COL25A1: variants seen among roughly 807,000 people sequenced by gnomAD.
COL25A1 encodes collagen type XXV alpha 1 chain, also known as collagen alpha-1(XXV) chain.
Under a neutral mutation model 128.4 loss-of-function variants are expected in COL25A1, and 103 were observed. The observed-to-expected ratio is 0.80, with a 90% CI of 0.68 to 0.94. The LOEUF is 0.94. Ranked by LOEUF, COL25A1 falls within the 40% of genes least tolerant of loss-of-function variation. The probability of loss-of-function intolerance (pLI) is 0.00; values close to 1 mark genes in which losing one functional copy is unlikely to be tolerated. For missense variants in COL25A1, 745 were observed against 840.0 expected (o/e 0.89, Z 1.40); for synonymous variants, 279 against 277.2 (o/e 1.01, Z -0.06).
At chr4:109,095,733 A>G (rs1414552932) in intron 3 of COL25A1, among the ~76,000 whole-genome samples, 5 of 152,228 alleles carry the variant, frequency 3.3e-5, no homozygotes, top group African/African-American at 1.2e-4. Flanking sequence ...ATAATGGAGT[A>G]GCAGACACGG....
At position 108,921,767 on chromosome 4, in the gene COL25A1, G is replaced by T. The variant is rs562899859; in HGVS notation, c.709-1163C>A. Among the ~76,000 whole-genome samples the T allele has an allele frequency of 2.0e-5, 3 of 152,258 alleles. No individual in the cohort carries two copies. The East Asian group carries it at 5.8e-4, about 29-fold the overall frequency. ...TATAATCAGCTTTAGGTTATTGAAA[G>T]TACACTGTGCAATACTGCCTTTATA... On this transcript the variant is annotated intron_variant, in intron 11 of 37. Coordinates refer to ENST00000399132, the MANE Select transcript of COL25A1 (RefSeq NM_198721.4).
At chr4:109,239,388 G>GTATATATATA (rs1303125158) in intron 3 of COL25A1, among the ~76,000 whole-genome samples, 14 of 90,168 alleles carry the variant, frequency 1.6e-4, no homozygotes, top group African/African-American at 6.5e-4. Flanking sequence ...GTGTGTGTGT[G>GTATATATATA]TGTGTGTATA....
At chr4:108,838,547 C>T (rs901250784) in intron 31 of COL25A1, among the ~76,000 whole-genome samples, 1 of 151,776 alleles carries the variant, frequency 6.6e-6, no homozygotes, top group Non-Finnish European at 1.5e-5. Flanking sequence ...GAAAAAAAAA[C>T]CCACTCTGCT....
At chr4:108,941,088 A>G (rs1230452671) in intron 9 of COL25A1, among the ~76,000 whole-genome samples, 1 of 152,208 alleles carries the variant, frequency 6.6e-6, no homozygotes, top group African/African-American at 2.4e-5. Context: ...AAATTACCAA[A>G]TCTAGAGAGC....
intron 6 of COL25A1, among the ~76,000 whole-genome samples, chr4:108,994,957 T>G (rs1391384292): frequency 3.3e-5 from 5 of 152,092 alleles, no homozygotes; most frequent in Non-Finnish European, 7.3e-5. Flanking sequence ...AAACCTCATC[T>G]CTAGGTCACC....
At chr4:109,156,721 T>A (rs750968289) in intron 3 of COL25A1, among the ~76,000 whole-genome samples, 7 of 152,286 alleles carry the variant, frequency 4.6e-5, no homozygotes, top group Non-Finnish European at 1.0e-4. Context: ...GAAAATAGCA[T>A]GAAACAAAGC....
chr4:109,069,071 C>T (rs876367), intron 3 of COL25A1, among the ~76,000 whole-genome samples: 11,075 of 151,080 alleles, frequency 0.073, 460 homozygotes, highest in South Asian at 0.096. Context: ...ATAATTTAAC[C>T]ACTCTATAAA....
At chr4:108,822,973 T>C (rs1234743520) in intron 35 of COL25A1, among the ~76,000 whole-genome samples, 2 of 152,106 alleles carry the variant, frequency 1.3e-5, no homozygotes, top group Admixed American at 6.5e-5. Context: ...ATGATACTGG[T>C]GATGATGATG....
At chr4:108,906,522 T>C (rs1743551075) in intron 13 of COL25A1, among the ~76,000 whole-genome samples, 1 of 152,186 alleles carries the variant, frequency 6.6e-6, no homozygotes, top group Non-Finnish European at 1.5e-5. Context: ...TTCTTTTCTG[T>C]CTTCTGCCAT....
At chr4:108,937,201 G>A (rs1747526725) in intron 11 of COL25A1, among the ~76,000 whole-genome samples, 1 of 152,092 alleles carries the variant, frequency 6.6e-6, no homozygotes. Context: ...GGAAGAGGTA[G>A]GTTGAAGGAA....
At chr4:109,049,809 T>C (rs890073653) in intron 4 of COL25A1, among the ~76,000 whole-genome samples, 1 of 152,140 alleles carries the variant, frequency 6.6e-6, no homozygotes, top group African/African-American at 2.4e-5. Context: ...GGTGATGCTA[T>C]CACACCGTGT....
intron 11 of COL25A1, among the ~76,000 whole-genome samples, chr4:108,934,323 G>A (rs536358964): frequency 1.7e-4 from 26 of 150,224 alleles, no homozygotes; most frequent in Admixed American, 5.3e-4. Flanking sequence ...ATCATACACC[G>A]GGGCCTGTTG....
At chr4:109,227,784 T>C (rs989034746) in intron 3 of COL25A1, among the ~76,000 whole-genome samples, 3 of 152,132 alleles carry the variant, frequency 2.0e-5, no homozygotes, top group East Asian at 3.8e-4. Context: ...ACAGAACCAA[T>C]AGGGCACTTA....
rs537618902 is a variant in COL25A1, at chr4:109,139,452, T to C, written c.368-89273A>G. Among the ~76,000 whole-genome samples the C allele has an allele frequency of 8.5e-5, 13 of 152,330 alleles. No homozygotes were observed. In the South Asian group the frequency reaches 1.0e-3, roughly 12 times the overall value. ...CCTAGGTTTTCTTCAAGGGTTTTTA[T>C]GGTTTTTACATTTAAGTCTTTAATC... On this transcript the variant is annotated intron_variant, in intron 3 of 37. Coordinates refer to ENST00000399132, the MANE Select transcript of COL25A1 (RefSeq NM_198721.4).
chr4:109,096,072 G>A (rs1352821555), intron 3 of COL25A1, among the ~76,000 whole-genome samples: 2 of 152,178 alleles, frequency 1.3e-5, no homozygotes, highest in East Asian at 1.9e-4. Flanking sequence ...AGAACAATGG[G>A]TTGGCGACAT....
intron 5 of COL25A1, among the ~76,000 whole-genome samples, chr4:109,026,133 CA>C: frequency 6.6e-6 from 1 of 151,344 alleles, no homozygotes; most frequent in East Asian, 1.9e-4. Flanking sequence ...CACACACACA[CA>C]CATATACTCT....
intron 3 of COL25A1, among the ~76,000 whole-genome samples, chr4:109,117,037 A>T (rs762843053): frequency 6.9e-6 from 1 of 145,380 alleles, no homozygotes; most frequent in Non-Finnish European, 1.5e-5. Flanking sequence ...GAAGTGTAAC[A>T]TGCGTAATAG....
chr4:108,938,621 C>T (rs1173130969), intron 10 of COL25A1, among the ~76,000 whole-genome samples: 1 of 152,112 alleles, frequency 6.6e-6, no homozygotes, highest in Non-Finnish European at 1.5e-5. Flanking sequence ...CTTTGGGAGG[C>T]CGAGGTGGGC....
Position 109,238,622 on chromosome 4 carries a change from G to A in COL25A1, c.367+61961C>T, listed in dbSNP as rs1272394480. Among the ~76,000 whole-genome samples the A allele has an allele frequency of 4.6e-5, 7 of 151,944 alleles. No individual in the cohort carries two copies. In the East Asian group the frequency reaches 9.6e-4, roughly 21 times the overall value. ...ATGAATGGTCCTGTGTTTTGTGCTT[G>A]TTCGTTTACAAACAGAGATCCCTCT... On this transcript the variant is annotated intron_variant, in intron 3 of 37. Transcript: ENST00000399132.
Sources: allele counts gnomAD v4.1 joint callset (sites outside exome capture counted in the v4.1 genomes callset), GRCh38; gene constraint gnomAD v4.1.1; transcripts MANE v1.5; gene names NCBI Gene and HGNC (gene_info 2026-07-23, HGNC 2026-07-21).